The following SNAP47 variants were observed in gnomAD, a reference collection of about 807,000 sequenced individuals.
SNAP47 encodes the protein synaptosomal-associated protein 47.
Under a neutral mutation model 31.4 loss-of-function variants are expected in SNAP47, and 20 were observed. That is an observed-to-expected ratio of 0.64 (90% CI 0.45 to 0.93). The LOEUF is 0.93. Ranked by LOEUF, SNAP47 falls within the 40% of genes least tolerant of loss-of-function variation. The pLI is 0.00. For synonymous variants in SNAP47, 194 were observed against 213.4 expected (o/e 0.91, Z 0.79); for missense variants, 492 against 528.5 (o/e 0.93, Z 0.68).
intron 3 of SNAP47, among the ~76,000 whole-genome samples, chr1:227,761,429 G>C (rs1337637563): frequency 1.3e-5 from 2 of 152,190 alleles, no homozygotes; most frequent in Admixed American, 6.5e-5. Flanking sequence ...ATGTCTTAAA[G>C]TCAGGGGTTG....
chr1:227,780,465 G>T, intron 4 of SNAP47, 62 bp from the exon 5 acceptor site: 1 of 1,602,578 alleles, frequency 6.2e-7, no homozygotes, highest in South Asian at 1.1e-5. Context: ...AGGGGGAGAT[G>T]TTGTCTGTGC....
chr1:227,772,892 G>C (rs990680872), intron 4 of SNAP47, among the ~76,000 whole-genome samples: 3 of 152,118 alleles, frequency 2.0e-5, no homozygotes, highest in African/African-American at 7.2e-5. Context: ...TTTATCTCTG[G>C]TTTCTCACTT....
intron 1 of SNAP47, 83 bp from the exon 2 acceptor site, chr1:227,747,609 C>T (rs1662050427): frequency 7.0e-7 from 1 of 1,420,718 alleles, no homozygotes; most frequent in Non-Finnish European, 9.6e-7. Context: ...CCCAGAGCCG[C>T]AGGGGAGGCA....
At chr1:227,774,962 C>G (rs557215086) in intron 4 of SNAP47, among the ~76,000 whole-genome samples, 9 of 152,354 alleles carry the variant, frequency 5.9e-5, no homozygotes, top group African/African-American at 2.2e-4. Flanking sequence ...GTTTCCTGTG[C>G]ACGCCTGGAG....
intron 2 of SNAP47, 116 bp from the exon 3 acceptor site, chr1:227,758,879 A>T: frequency 1.6e-6 from 2 of 1,277,498 alleles, no homozygotes; most frequent in Non-Finnish European, 1.1e-6. Context: ...TGTGGAAATG[A>T]AGTAGAGTAA....
chr1:227,776,532 C>A, intron 4 of SNAP47: 1 of 985,608 alleles, frequency 1.0e-6, no homozygotes, highest in Non-Finnish European at 1.2e-6. Flanking sequence ...TGACAGCATC[C>A]TGCACAATGG....
chr1:227,734,818 T>G, upstream of SNAP47: 3 of 1,613,686 alleles, frequency 1.9e-6, no homozygotes, highest in Non-Finnish European at 2.5e-6. Flanking sequence ...CCACGTCTCC[T>G]GAAATGAAAG....
At chr1:227,766,118 T>C (rs1464669358) in intron 3 of SNAP47, among the ~76,000 whole-genome samples, 3 of 152,092 alleles carry the variant, frequency 2.0e-5, no homozygotes, top group Non-Finnish European at 2.9e-5. Context: ...GGGTACGGGC[T>C]CTGCTGGCTG....
intron 2 of SNAP47, among the ~76,000 whole-genome samples, chr1:227,755,340 C>T (rs1662629653): frequency 6.6e-6 from 1 of 152,076 alleles, no homozygotes; most frequent in African/African-American, 2.4e-5. Context: ...TGTAGCTGGA[C>T]CACAGGCATG....
chr1:227,752,406 G>A (rs866505862), intron 2 of SNAP47, among the ~76,000 whole-genome samples: 1 of 150,664 alleles, frequency 6.6e-6, no homozygotes, highest in Non-Finnish European at 1.5e-5. Context: ...CTCTCTCCCC[G>A]CTTCCCCACC....
intron 3 of SNAP47, among the ~76,000 whole-genome samples, chr1:227,765,488 G>C (rs958540481): frequency 6.6e-6 from 1 of 152,250 alleles, no homozygotes; most frequent in Non-Finnish European, 1.5e-5. Context: ...AGCTTCATGT[G>C]AGGGCCTGCA....
intron 4 of SNAP47, among the ~76,000 whole-genome samples, chr1:227,779,475 A>T (rs1428838058): frequency 6.6e-6 from 1 of 152,154 alleles, no homozygotes; most frequent in Non-Finnish European, 1.5e-5. Context: ...GCCCCCCTCA[A>T]GATCACCACG....
Position 227,759,159 on chromosome 1 carries a change from CAG to C in SNAP47, c.665_666del (p.Glu222ValfsTer4). On this transcript the variant is annotated frameshift_variant, in exon 3 of 5. Transcript: ENST00000617596. LOFTEE classifies it high-confidence loss of function. Reference sequence around the variant, plus strand: ...ATTCCTGCTGTTATTTCCCACAGAACAGAGTCTCACGTTAAACCAGGGAGGCT... The same window carrying C: ...ATTCCTGCTGTTATTTCCCACAGAACAGTCTCACGTTAAACCAGGGAGGCT... 1 of 1,614,198 alleles carries C rather than the reference CAG, an allele frequency of 6.2e-7. No individual in the cohort carries two copies. Among genetic ancestry groups the C allele is most frequent in the Non-Finnish European group, 8.5e-7 (1 of 1,180,044 alleles).
chr1:227,737,728 G>A (rs2102885164), intron 1 of SNAP47, among the ~76,000 whole-genome samples: 1 of 152,242 alleles, frequency 6.6e-6, no homozygotes, highest in South Asian at 2.1e-4. Flanking sequence ...TTGGAGGGAG[G>A]ACTAGGAGGA....
chr1:227,771,671 C>T (rs1426204918), intron 4 of SNAP47, among the ~76,000 whole-genome samples: 1 of 146,184 alleles, frequency 6.8e-6, no homozygotes, highest in Non-Finnish European at 1.5e-5. Flanking sequence ...CCCACCCCCA[C>T]CCCCACCCTC....
chr1:227,775,787 AG>A (rs1324661274), intron 4 of SNAP47: 1 of 1,303,812 alleles, frequency 7.7e-7, no homozygotes, highest in African/African-American at 1.5e-5. Context: ...TTTGCTCTGC[AG>A]GGCTTCCGGC....
At chr1:227,778,403 G>A (rs1481106452) in intron 4 of SNAP47, among the ~76,000 whole-genome samples, 1 of 152,246 alleles carries the variant, frequency 6.6e-6, no homozygotes, top group Non-Finnish European at 1.5e-5. Context: ...GGAGCCCTGT[G>A]GCCCTGAAGG....
At chr1:227,764,661 T>A (rs1464336000) in intron 3 of SNAP47, among the ~76,000 whole-genome samples, 1 of 151,894 alleles carries the variant, frequency 6.6e-6, no homozygotes, top group African/African-American at 2.4e-5. Context: ...ATCCCAGCAG[T>A]TGGGGAGGCA....
rs374979004 is a variant in SNAP47 at position 227,759,339 on chromosome 1, G to A, written c.842G>A (p.Arg281His). ...ATTGGAAAGCCAGACATGGCCTATC[G>A]TTTGATATCTGCCAAGATGCCAGAG... ...RFIGKPDMAY[R>H]LISAKMPEVI... Residue 281 changes from arginine (R) to histidine (H), a missense_variant, in exon 3 of 5, where the codon CGT (arginine) becomes CAT (histidine). Physicochemically the swap from Arg to His is conservative, Grantham distance 29 (BLOSUM62 0). Transcript: ENST00000617596. The A allele has an allele frequency of 4.3e-5, 70 of 1,614,240 alleles. 1 individual carries two copies. The highest frequency in any genetic ancestry group is 2.3e-4 in the African/African-American group (17 of 75,060).
Sources: allele counts gnomAD v4.1 joint callset (sites outside exome capture counted in the v4.1 genomes callset), GRCh38; gene constraint gnomAD v4.1.1; transcripts MANE v1.5; gene names NCBI Gene and HGNC (gene_info 2026-07-23, HGNC 2026-07-21).